SHROOM3: variants seen among roughly 807,000 people sequenced by gnomAD.
The protein encoded by SHROOM3 is shroom family member 3.
In SHROOM3, 47 loss-of-function variants were observed where a neutral mutation model predicts 138.6. That is an observed-to-expected ratio of 0.34 (90% CI 0.27 to 0.43). SHROOM3 has a LOEUF of 0.43. Ranked by LOEUF, SHROOM3 falls within the 20% of genes least tolerant of loss-of-function variation. SHROOM3 has a pLI of 1.00. For missense variants in SHROOM3, 2,491 were observed against 2,596.5 expected (o/e 0.96, Z 0.88); for synonymous variants, 1,062 against 1,063.3 (o/e 1.00, Z 0.02).
At chr4:76,525,383 T>C (rs1253233509) in intron 1 of SHROOM3, among the ~76,000 whole-genome samples, 2 of 152,108 alleles carry the variant, frequency 1.3e-5, no homozygotes, top group Non-Finnish European at 2.9e-5. Flanking sequence ...ATGATCTAAT[T>C]ATCTCCACCT....
chr4:76,472,703 T>C (rs115438536), intron 1 of SHROOM3, among the ~76,000 whole-genome samples: 5,230 of 152,024 alleles, frequency 0.034, 102 homozygotes, highest in Middle Eastern at 0.071. Flanking sequence ...TTCTTTCTTT[T>C]TTTTTTTTGT....
intron 2 of SHROOM3, among the ~76,000 whole-genome samples, chr4:76,708,550 C>G (rs1258227967): frequency 6.6e-6 from 1 of 152,196 alleles, no homozygotes; most frequent in Non-Finnish European, 1.5e-5. Flanking sequence ...AGTCCCTCCC[C>G]TGGTTATACC....
At chr4:76,709,469 A>G (rs1275299218) in intron 2 of SHROOM3, among the ~76,000 whole-genome samples, 1 of 151,728 alleles carries the variant, frequency 6.6e-6, no homozygotes, top group East Asian at 1.9e-4. Flanking sequence ...TCCTGTTCCC[A>G]TGGCGGAACA....
rs184394295 is a variant in SHROOM3 at position 76,531,127 on chromosome 4, G to T, written c.169-24482G>T. 5.9e-5 allele frequency among the ~76,000 whole-genome samples: 9 copies of T among 152,118 alleles called. No homozygotes were observed. In the East Asian group the frequency reaches 1.7e-3, roughly 29 times the overall value. ...TACAGTATAACCAGTAAGATTATAG[G>T]ATTTCTATTAATACATTAGTCAAAT... On this transcript the variant is annotated intron_variant, in intron 1 of 10. Coordinates refer to ENST00000296043, the MANE Select transcript of SHROOM3 (RefSeq NM_020859.4).
intron 1 of SHROOM3, among the ~76,000 whole-genome samples, chr4:76,481,240 A>G (rs1176315954): frequency 2.0e-5 from 3 of 152,176 alleles, no homozygotes. Context: ...AGCCAGACTA[A>G]TAAAGAAGAA....
chr4:76,664,980 G>A lies in SHROOM3; in HGVS notation c.324-45176G>A, dbSNP rs536988094. Among the ~76,000 whole-genome samples, 51 of 152,058 alleles carry A rather than the reference G, an allele frequency of 3.4e-4. No homozygotes were observed. The highest frequency in any genetic ancestry group is 8.3e-4 in the South Asian group (4 of 4,806). ...AGCCTGGGCAACACAGTGAGACCAC[G>A]TCTCAAAAATATATATATTAACAAA... On this transcript the variant is annotated intron_variant, in intron 2 of 10. Transcript: ENST00000296043. This position sits in a 1 kb window ranked among gnomAD's most constrained non-coding sequence, Gnocchi z 4.2.
intron 2 of SHROOM3, among the ~76,000 whole-genome samples, chr4:76,639,304 G>C (rs1022684103): frequency 1.3e-5 from 2 of 152,156 alleles, no homozygotes; most frequent in African/African-American, 4.8e-5. Flanking sequence ...ACCCTGAAAT[G>C]AATATTTCTC....
chr4:76,705,626 C>G (rs1359552091), intron 2 of SHROOM3, among the ~76,000 whole-genome samples: 1 of 152,166 alleles, frequency 6.6e-6, no homozygotes, highest in African/African-American at 2.4e-5. Flanking sequence ...ATGTGGGTGG[C>G]TGGCCTGGCT....
At chr4:76,624,239 C>T (rs1030223834) in intron 2 of SHROOM3, among the ~76,000 whole-genome samples, 1 of 152,086 alleles carries the variant, frequency 6.6e-6, no homozygotes, top group Non-Finnish European at 1.5e-5. Context: ...GCGTGCTGCA[C>T]TCCTGTCCTT....
chr4:76,482,471 G>A (rs1579184630), intron 1 of SHROOM3, among the ~76,000 whole-genome samples: 1 of 152,102 alleles, frequency 6.6e-6, no homozygotes, highest in Admixed American at 6.5e-5. Context: ...CCTCTTCAAG[G>A]AGAACTACAA....
intron 2 of SHROOM3, among the ~76,000 whole-genome samples, chr4:76,626,809 A>G (rs1735157235): frequency 6.6e-6 from 1 of 152,144 alleles, no homozygotes; most frequent in Non-Finnish European, 1.5e-5. Flanking sequence ...CTTTCTTTAT[A>G]GCATATTTCT....
intron 2 of SHROOM3, among the ~76,000 whole-genome samples, chr4:76,581,649 T>A (rs17002096): frequency 0.092 from 13,957 of 152,256 alleles, 769 homozygotes; most frequent in Non-Finnish European, 0.13. Context: ...CTTACAGCAT[T>A]TTCAAGGATC....
chr4:76,632,960 G>A (rs1358576200), intron 2 of SHROOM3, among the ~76,000 whole-genome samples: 2 of 152,172 alleles, frequency 1.3e-5, no homozygotes, highest in Non-Finnish European at 2.9e-5. Flanking sequence ...ATAGTGTGCA[G>A]TTTAAAGGTG....
chr4:76,775,154 T>C (rs1178919089), intron 10 of SHROOM3, among the ~76,000 whole-genome samples: 1 of 152,164 alleles, frequency 6.6e-6, no homozygotes, highest in East Asian at 1.9e-4. Flanking sequence ...ATCCTTCTTA[T>C]GCCTTTGCAT....
At chr4:76,469,316 C>T (rs942336443) in intron 1 of SHROOM3, among the ~76,000 whole-genome samples, 1 of 152,158 alleles carries the variant, frequency 6.6e-6, no homozygotes, top group Admixed American at 6.5e-5. Flanking sequence ...CTCTGTTGAG[C>T]AATGTGGATG....
In SHROOM3 at chr4:76,754,377, T is replaced by C; in HGVS notation, c.3894T>C (p.Arg1298=). The stretch of plus-strand genomic sequence containing the variant: ...CGCTCTTCCACCATCTCACCCCTCG[T>C]TGGGGTGGTTCAGGCTGCAAAGCCA... ...MLPLFHHLTP[R]WGGSGCKAIG... is the part of the protein sequence containing the mutation. The change falls in exon 7 of 11, where the codon CGT becomes CGC. Residue 1298 remains arginine, a synonymous_variant. Coordinates refer to ENST00000296043, the MANE Select transcript of SHROOM3 (RefSeq NM_020859.4). The C allele has an allele frequency of 2.2e-5, 35 of 1,614,098 alleles. No homozygotes were observed. Among genetic ancestry groups the C allele is most frequent in the Non-Finnish European group, 3.0e-5 (35 of 1,179,974 alleles).
chr4:76,570,560 G>A (rs922151426), intron 2 of SHROOM3, among the ~76,000 whole-genome samples: 1 of 152,146 alleles, frequency 6.6e-6, no homozygotes, highest in African/African-American at 2.4e-5. Flanking sequence ...ACTCCATGAG[G>A]TAGCAATGAA....
At position 76,741,703 on chromosome 4, in the gene SHROOM3, G is replaced by T. The variant is rs777605961; in HGVS notation, c.3530G>T (p.Gly1177Val). The T allele has an allele frequency of 6.4e-7, 1 of 1,552,462 alleles. No individual in the cohort carries two copies. Among genetic ancestry groups the T allele is most frequent in the Non-Finnish European group, 8.7e-7 (1 of 1,149,714 alleles). ...GATCGCAGCAGCTCCTTCGCCGGTG[G>T]CCGCCGCCTCGGGGAACGGCGACGC... ...PRDRSSSFAG[G>V]RRLGERRRGD... The change falls in exon 5 of 11, where the codon GGC becomes GTC. Residue 1177 changes from glycine (G) to valine (V), a missense_variant. This residue lies in a region of SHROOM3 where 1,733 missense variants were observed against 1,661.6 expected (regional missense o/e 1.04). Transcript: ENST00000296043. This position sits in a 1 kb window ranked among gnomAD's most constrained non-coding sequence, Gnocchi z 6.2.
At chr4:76,621,103 T>C (rs1251345552) in intron 2 of SHROOM3, among the ~76,000 whole-genome samples, 1 of 152,028 alleles carries the variant, frequency 6.6e-6, no homozygotes, top group Non-Finnish European at 1.5e-5. Flanking sequence ...GTTTTCTCCA[T>C]TGATTTTTCA....
Sources: allele counts gnomAD v4.1 joint callset (sites outside exome capture counted in the v4.1 genomes callset), GRCh38; gene constraint gnomAD v4.1.1; regional missense constraint gnomAD v4.1.1; non-coding constraint Gnocchi (gnomAD v3.1); transcripts MANE v1.5; gene names NCBI Gene and HGNC (gene_info 2026-07-23, HGNC 2026-07-21).